The following MYL4 variants were observed in gnomAD, a reference collection of about 807,000 sequenced individuals.
MYL4 encodes atrial myosin light chain 1.
A neutral mutation model predicts 21.6 loss-of-function variants in MYL4; 16 were observed. The observed-to-expected ratio is 0.74, with a 90% CI of 0.50 to 1.12. The LOEUF (loss-of-function observed/expected upper bound fraction) is 1.12, where lower values mean the gene tolerates loss of function less well. MYL4 is among the 50% of genes most tolerant of loss of function. MYL4 has a pLI of 0.00. For synonymous variants in MYL4, 82 were observed against 95.7 expected (o/e 0.86, Z 0.83); for missense variants, 249 against 252.9 (o/e 0.98, Z 0.11).
At chr17:47,210,266 G>C (rs2064764139) in intron 1 of MYL4, among the ~76,000 whole-genome samples, 1 of 152,140 alleles carries the variant, frequency 6.6e-6, no homozygotes, top group South Asian at 2.1e-4. Flanking sequence ...GCCCCACCCT[G>C]CTCTCCTCAC....
chr17:47,201,808 C>G (rs1450683873), intron 1 of MYL4, among the ~76,000 whole-genome samples: 1 of 152,100 alleles, frequency 6.6e-6, no homozygotes, highest in Non-Finnish European at 1.5e-5. Flanking sequence ...CCAAACCACA[C>G]CCACTCTAGG....
At chr17:47,194,612 C>T in the MYL4 span, among the ~76,000 whole-genome samples, 1 of 152,058 alleles carries the variant, frequency 6.6e-6, no homozygotes, top group Non-Finnish European at 1.5e-5. Flanking sequence ...TCTTATCTAC[C>T]TCCAAAAATA....
rs149598715 is a variant in MYL4 at position 47,213,275 on chromosome 17, G to A, written c.136-524G>A. On this transcript the variant is annotated intron_variant, in intron 1 of 6. Coordinates refer to ENST00000393450, the MANE Select transcript of MYL4 (RefSeq NM_002476.2). ...ACCTGGAGCCATCACTTAATAAGCG[G>A]TATTGAGAGAGCTTTGGAGTCTGCA... Among the ~76,000 whole-genome samples, 516 of 152,240 alleles carry A rather than the reference G, an allele frequency of 3.4e-3. 4 individuals are homozygous for A. Among genetic ancestry groups the A allele is most frequent in the African/African-American group, 0.012 (491 of 41,534 alleles).
intron 1 of MYL4, 199 bp downstream of exon 1, chr17:47,209,756 C>A: frequency 1.3e-6 from 1 of 748,218 alleles, no homozygotes; most frequent in Non-Finnish European, 2.2e-6. Flanking sequence ...CCTTTTCCGT[C>A]AAGAATGAGG....
chr17:47,222,498 G>A, intron 5 of MYL4, 41 bp downstream of exon 5: 1 of 1,599,084 alleles, frequency 6.3e-7, no homozygotes. Flanking sequence ...GCCAGGGATG[G>A]TAGGATGGGA....
chr17:47,224,605 A>T (rs1015443400), downstream of MYL4, among the ~76,000 whole-genome samples: 18 of 152,168 alleles, frequency 1.2e-4, no homozygotes, highest in African/African-American at 4.1e-4. Context: ...ACCCTGGATA[A>T]GTGAAATCAG....
At chr17:47,221,163 T>C (rs2064852910) in intron 3 of MYL4, among the ~76,000 whole-genome samples, 1 of 152,244 alleles carries the variant, frequency 6.6e-6, no homozygotes, top group East Asian at 1.9e-4. Flanking sequence ...ACAAGAGAAC[T>C]GTGAATTTAT....
At chr17:47,198,995 G>A (rs959203768), upstream of MYL4, among the ~76,000 whole-genome samples, 1 of 151,706 alleles carries the variant, frequency 6.6e-6, no homozygotes, top group African/African-American at 2.4e-5. Flanking sequence ...AGCACTTTGG[G>A]AGGCCGAGGC....
At chr17:47,190,314 G>A in the MYL4 span, among the ~76,000 whole-genome samples, 2 of 152,118 alleles carry the variant, frequency 1.3e-5, no homozygotes, top group African/African-American at 4.8e-5. Context: ...AAGAGAATTC[G>A]ATGTATTATA....
intron 1 of MYL4, among the ~76,000 whole-genome samples, chr17:47,211,132 T>G (rs1304919024): frequency 6.6e-6 from 1 of 152,116 alleles, no homozygotes; most frequent in Non-Finnish European, 1.5e-5. Flanking sequence ...ATCTGCATCT[T>G]CATGGGGGTT....
At chr17:47,219,174 C>T (rs1036057324) in intron 2 of MYL4, among the ~76,000 whole-genome samples, 19 of 152,324 alleles carry the variant, frequency 1.2e-4, no homozygotes, top group Admixed American at 2.0e-4. Flanking sequence ...GCCTGGGGGC[C>T]GCCTTTCAGC....
At chr17:47,226,761 C>T (rs1371601487), downstream of MYL4, among the ~76,000 whole-genome samples, 1 of 152,208 alleles carries the variant, frequency 6.6e-6, no homozygotes, top group Admixed American at 6.5e-5. Context: ...CGTATGGTGT[C>T]TCAGTGTGTG....
At chr17:47,192,727 C>A in the MYL4 span, among the ~76,000 whole-genome samples, 1 of 151,984 alleles carries the variant, frequency 6.6e-6, no homozygotes, top group Non-Finnish European at 1.5e-5. Flanking sequence ...TCATCCACAG[C>A]AAAGCCACAT....
At chr17:47,199,154 T>G (rs1598646139), upstream of MYL4, among the ~76,000 whole-genome samples, 1 of 150,752 alleles carries the variant, frequency 6.6e-6, no homozygotes, top group East Asian at 1.9e-4. Flanking sequence ...GGCAGGAGAA[T>G]GGTGTGACCC....
At chr17:47,225,953 T>G (rs1250910718), downstream of MYL4, among the ~76,000 whole-genome samples, 1 of 151,636 alleles carries the variant, frequency 6.6e-6, no homozygotes, top group Non-Finnish European at 1.5e-5. Flanking sequence ...TCTCAGGGGT[T>G]TGGTGTACAG....
At chr17:47,225,223 T>C (rs1421310394), downstream of MYL4, among the ~76,000 whole-genome samples, 11 of 152,178 alleles carry the variant, frequency 7.2e-5, no homozygotes, top group Non-Finnish European at 1.6e-4. Flanking sequence ...GAATTTACAG[T>C]CTGGCTGGGG....
chr17:47,212,653 T>TGA (rs1259046267), intron 1 of MYL4, among the ~76,000 whole-genome samples: 1 of 152,212 alleles, frequency 6.6e-6, no homozygotes, highest in Non-Finnish European at 1.5e-5. Context: ...AAAGAAAGGC[T>TGA]GAGGTAAGCA....
At chr17:47,192,388 G>A in the MYL4 span, among the ~76,000 whole-genome samples, 7 of 150,944 alleles carry the variant, frequency 4.6e-5, no homozygotes, top group East Asian at 3.9e-4. Flanking sequence ...GTTGGCTCAC[G>A]CCTGTAATCC....
chr17:47,220,685 C>G (rs1426952280), intron 3 of MYL4, among the ~76,000 whole-genome samples: 1 of 152,148 alleles, frequency 6.6e-6, no homozygotes, highest in Admixed American at 6.5e-5. Context: ...TGTTCATACT[C>G]ATGTGAGCTG....
Sources: allele counts gnomAD v4.1 joint callset (sites outside exome capture counted in the v4.1 genomes callset), GRCh38; gene constraint gnomAD v4.1.1; transcripts MANE v1.5; gene names NCBI Gene and HGNC (gene_info 2026-07-23, HGNC 2026-07-21).